Variants in GRID2 observed in about 807,000 individuals in gnomAD.
GRID2 encodes glutamate ionotropic receptor delta type subunit 2, also known as glutamate receptor ionotropic, delta-2.
Under a neutral mutation model 114.8 loss-of-function variants are expected in GRID2, and 33 were observed. That is an observed-to-expected ratio of 0.29 (90% CI 0.22 to 0.38). The LOEUF is 0.38. GRID2 is among the 10% of genes least tolerant of loss of function. The pLI is 1.00. For synonymous variants in GRID2, 505 were observed against 449.9 expected (o/e 1.12, Z -1.55); for missense variants, 1,184 against 1,257.7 (o/e 0.94, Z 0.89).
chr4:93,756,996 T>C (rs781021657), intron 14 of GRID2, among the ~76,000 whole-genome samples: 2 of 152,160 alleles, frequency 1.3e-5, no homozygotes, highest in Non-Finnish European at 2.9e-5. Context: ...CAAGGCAGTG[T>C]ATGGTTCAAT....
At chr4:93,784,147 C>CT (rs1397202879) in intron 1 of GRID2, among the ~76,000 whole-genome samples, 2 of 146,142 alleles carry the variant, frequency 1.4e-5, no homozygotes, top group Non-Finnish European at 3.0e-5. Context: ...ACCTGGTCCT[C>CT]TTTTTCCAGC....
intron 1 of GRID2, among the ~76,000 whole-genome samples, chr4:92,574,178 A>G (rs1298112418): frequency 6.6e-6 from 1 of 151,684 alleles, no homozygotes; most frequent in Admixed American, 6.6e-5. Context: ...TCCAACGCCT[A>G]TGTGTGTCTT....
intron 2 of GRID2, among the ~76,000 whole-genome samples, chr4:92,829,339 G>C (rs1040596457): frequency 2.6e-5 from 4 of 151,976 alleles, no homozygotes; most frequent in African/African-American, 9.7e-5. Flanking sequence ...TGCAAAAAAG[G>C]TCATCATCAC....
At chr4:92,913,019 T>A (rs1465540898) in intron 2 of GRID2, among the ~76,000 whole-genome samples, 1 of 151,848 alleles carries the variant, frequency 6.6e-6, no homozygotes, top group African/African-American at 2.4e-5. Flanking sequence ...GATCCTAATT[T>A]TGATTTATTA....
rs140912555 is a variant in GRID2, at chr4:93,670,598, A to C, written c.2360+44163A>C. Among the ~76,000 whole-genome samples the C allele has an allele frequency of 1.1e-4, 17 of 152,322 alleles. No individual in the cohort carries two copies. The East Asian group carries it at 3.3e-3, about 29-fold the overall frequency. ...TATGGAATAAATGGGCTACACTGAT[A>C]CTTTCACACAGTGTTTAGAGGGGTC... On this transcript the variant is annotated intron_variant, in intron 14 of 15. Coordinates refer to ENST00000282020, the MANE Select transcript of GRID2 (RefSeq NM_001510.4).
At chr4:93,037,308 T>C (rs1003104709) in intron 2 of GRID2, among the ~76,000 whole-genome samples, 14 of 152,200 alleles carry the variant, frequency 9.2e-5, no homozygotes, top group African/African-American at 3.4e-4. Context: ...ACCTTCTCTA[T>C]TAAAGTTACA....
intron 1 of GRID2, among the ~76,000 whole-genome samples, chr4:92,313,397 A>G (rs1235099777): frequency 2.0e-5 from 3 of 152,076 alleles, no homozygotes; most frequent in African/African-American, 7.2e-5. Flanking sequence ...TGAGTGCACC[A>G]GGTTCTCACG....
In GRID2 at chr4:93,455,887, A is replaced by G; in HGVS notation, c.1771A>G (p.Asn591Asp). The G allele has an allele frequency of 1.9e-6, 3 of 1,610,770 alleles. No homozygotes were observed. Among genetic ancestry groups the G allele is most frequent in the Non-Finnish European group, 2.5e-6 (3 of 1,176,964 alleles). The change falls in exon 11 of 16, where the codon AAT (asparagine) becomes GAT (aspartate). Residue 591 changes from asparagine to aspartate, a missense_variant. Asn to Asp is a conservative substitution (Grantham distance 23). This residue lies in a region of GRID2 where 717 missense variants were observed against 796.9 expected (regional missense o/e 0.90). Transcript: ENST00000282020. ...ACTGGTCTACCTCTTGAACTGGCTT[A>G]ATCCCCCACGATTACAAATGGGATC... ...GLLVYLLNWL[N>D]PPRLQMGSMT...
At chr4:92,714,530 C>T (rs1735437267) in intron 2 of GRID2, among the ~76,000 whole-genome samples, 1 of 152,212 alleles carries the variant, frequency 6.6e-6, no homozygotes, top group Non-Finnish European at 1.5e-5. Context: ...TTCCCCACTG[C>T]CCTAGTAGAG....
intron 2 of GRID2, among the ~76,000 whole-genome samples, chr4:92,847,537 A>C (rs1743419282): frequency 6.6e-6 from 1 of 152,064 alleles, no homozygotes; most frequent in African/African-American, 2.4e-5. Flanking sequence ...ATAAATATGA[A>C]TTTCTTTAAA....
intron 14 of GRID2, among the ~76,000 whole-genome samples, chr4:93,757,726 C>A (rs895153041): frequency 4.6e-5 from 7 of 152,062 alleles, no homozygotes; most frequent in Non-Finnish European, 7.4e-5. Context: ...GAGGCAGAGG[C>A]GGGTGAATCA....
intron 2 of GRID2, among the ~76,000 whole-genome samples, chr4:92,745,615 AGATATTTAAATTTAGT>A (rs1737115252): frequency 6.6e-6 from 1 of 152,152 alleles, no homozygotes; most frequent in Non-Finnish European, 1.5e-5. Context: ...TGAAACAACT[AGATATTTAAATTTAGT>A]TTAATTTTTT....
intron 2 of GRID2, among the ~76,000 whole-genome samples, chr4:92,729,186 T>A (rs146331821): frequency 6.6e-6 from 1 of 152,106 alleles, no homozygotes; most frequent in Non-Finnish European, 1.5e-5. Context: ...AAACTATATT[T>A]TTTTGACCTC....
At chr4:92,920,017 G>T (rs1749175519) in intron 2 of GRID2, among the ~76,000 whole-genome samples, 1 of 152,164 alleles carries the variant, frequency 6.6e-6, no homozygotes, top group Non-Finnish European at 1.5e-5. Context: ...CTTGCTTTAT[G>T]AATCTGGGTG....
intron 2 of GRID2, among the ~76,000 whole-genome samples, chr4:93,057,904 T>C (rs560439220): frequency 6.6e-5 from 10 of 152,070 alleles, no homozygotes; most frequent in Non-Finnish European, 1.2e-4. Context: ...TCAAAGATGA[T>C]TTTTACTCAA....
chr4:92,979,535 T>C (rs572155050), intron 2 of GRID2, among the ~76,000 whole-genome samples: 3 of 152,222 alleles, frequency 2.0e-5, no homozygotes, highest in Admixed American at 1.3e-4. Context: ...ATGCTGAAGT[T>C]TGCAAAATGC....
Position 92,776,751 on chromosome 4 carries a change from A to C in GRID2, c.244+186465A>C, listed in dbSNP as rs575826157. On this transcript the variant is annotated intron_variant, in intron 2 of 15. Transcript: ENST00000282020. ...AATGAAGGTCTGCTATTTTCATTTT[A>C]AAGAAGATAGTTAATATATTAACTA... 5.3e-5 allele frequency among the ~76,000 whole-genome samples: 8 copies of C among 152,226 alleles called. No homozygotes were observed. In the South Asian group the frequency reaches 1.0e-3, roughly 20 times the overall value.
At chr4:93,706,990 A>C (rs1159929664) in intron 14 of GRID2, among the ~76,000 whole-genome samples, 1 of 152,086 alleles carries the variant, frequency 6.6e-6, no homozygotes, top group Non-Finnish European at 1.5e-5. Context: ...CGTTCTGTTA[A>C]TATGATGTAT....
chr4:92,578,125 A>C (rs62310096), intron 1 of GRID2, among the ~76,000 whole-genome samples: 17,543 of 121,484 alleles, frequency 0.14, 2,590 homozygotes, highest in African/African-American at 0.32. Flanking sequence ...TTTTCTTATT[A>C]TTATTATTAC....
Sources: allele counts gnomAD v4.1 joint callset (sites outside exome capture counted in the v4.1 genomes callset), GRCh38; gene constraint gnomAD v4.1.1; regional missense constraint gnomAD v4.1.1; transcripts MANE v1.5; gene names NCBI Gene and HGNC (gene_info 2026-07-23, HGNC 2026-07-21).